The following EIF3H variants were observed in gnomAD, a reference collection of about 807,000 sequenced individuals.
The protein encoded by EIF3H is eukaryotic translation initiation factor 3 subunit H, also known as eIF-3-gamma.
EIF3H carries 26 observed loss-of-function variants against 44.2 expected under a neutral mutation model. The ratio of observed to expected loss-of-function variants is 0.59; its 90% CI spans 0.43 to 0.82. The LOEUF (loss-of-function observed/expected upper bound fraction) is 0.82. Ranked by LOEUF, EIF3H falls within the 40% of genes least tolerant of loss-of-function variation. EIF3H has a pLI of 0.00. For synonymous variants in EIF3H, 166 were observed against 151.9 expected, an observed-to-expected ratio of 1.09 and a Z score of -0.68; for missense variants, 359 against 432.8, an observed-to-expected ratio of 0.83 and a Z score of 1.51.
At chr8:116,758,934 CCAT>C (rs1815487105), upstream of EIF3H, among the ~76,000 whole-genome samples, 1 of 152,134 alleles carries the variant, frequency 6.6e-6, no homozygotes. Flanking sequence ...TGTGTCAAAT[CCAT>C]CATCTAAGCT....
At chr8:116,752,716 GAAA>G (rs1563662955) in intron 1 of EIF3H, among the ~76,000 whole-genome samples, 3 of 126,814 alleles carry the variant, frequency 2.4e-5, no homozygotes, top group African/African-American at 2.9e-5. Context: ...AAGAAAGAAA[GAAA>G]GAAAGAAAGA....
chr8:116,730,394 C>T (rs910349842), intron 1 of EIF3H, among the ~76,000 whole-genome samples: 1 of 152,156 alleles, frequency 6.6e-6, no homozygotes, highest in Admixed American at 6.5e-5. Flanking sequence ...GAATCTAATG[C>T]CTGACAATCT....
chr8:116,745,926 A>C (rs1042896115), intron 1 of EIF3H, among the ~76,000 whole-genome samples: 1 of 145,170 alleles, frequency 6.9e-6, no homozygotes, highest in Non-Finnish European at 1.5e-5. Flanking sequence ...GTCTCAAAGG[A>C]AAAAAAAAAA....
chr8:116,679,711 G>C (rs1813933292), intron 2 of EIF3H, among the ~76,000 whole-genome samples: 1 of 7,094 alleles, frequency 1.4e-4, no homozygotes, highest in Non-Finnish European at 3.8e-4. Flanking sequence ...CCCCTACTGG[G>C]AAGTGAGGAG....
At chr8:116,715,290 T>A (rs1433200612) in intron 2 of EIF3H, among the ~76,000 whole-genome samples, 2 of 151,932 alleles carry the variant, frequency 1.3e-5, no homozygotes, top group Non-Finnish European at 2.9e-5. Flanking sequence ...CCAAATTTGA[T>A]TAATACAAAA....
At chr8:116,646,737 T>G in intron 6 of EIF3H, 134 bp from the exon 7 acceptor site, 1 of 1,259,588 alleles carries the variant, frequency 7.9e-7, no homozygotes, top group South Asian at 1.5e-5. Context: ...TGGCAACATT[T>G]GGTAACTTGC....
At chr8:116,726,438 T>G (rs1814841186) in intron 1 of EIF3H, among the ~76,000 whole-genome samples, 1 of 152,154 alleles carries the variant, frequency 6.6e-6, no homozygotes, top group South Asian at 2.1e-4. Flanking sequence ...AAATCAAAGC[T>G]TCCCCATGGT....
rs558528566 is a variant in EIF3H at position 116,698,133 on chromosome 8, T to C, written c.289+27883A>G. ...TGATCATTATACCCGAGGGCCATTA[T>C]CATGGCTACTAGGTAGCTACAATTT... On this transcript the variant is annotated intron_variant, in intron 2 of 7. Transcript: ENST00000521861. 3.9e-5 allele frequency among the ~76,000 whole-genome samples: 6 copies of C among 152,326 alleles called. No individual in the cohort carries two copies. The East Asian group carries it at 9.6e-4, about 24-fold the overall frequency.
At chr8:116,723,470 C>T (rs1348199716) in intron 2 of EIF3H, among the ~76,000 whole-genome samples, 4 of 152,084 alleles carry the variant, frequency 2.6e-5, no homozygotes, top group Non-Finnish European at 5.9e-5. Flanking sequence ...TTAAAAAAAT[C>T]CAAGTATGCT....
At chr8:116,757,025 T>G (rs903024118), upstream of EIF3H, among the ~76,000 whole-genome samples, 2 of 152,338 alleles carry the variant, frequency 1.3e-5, no homozygotes, top group Admixed American at 6.5e-5. Flanking sequence ...AATAATACAT[T>G]TATTTATTGC....
intron 1 of EIF3H, among the ~76,000 whole-genome samples, chr8:116,750,387 T>A (rs561611285): frequency 7.4e-5 from 5 of 67,540 alleles, no homozygotes; most frequent in Admixed American, 4.2e-4. Flanking sequence ...TGACTCTAGG[T>A]CTGTCTTTAG....
At chr8:116,752,739 A>AAGAAAGAAAGAAAGAAG (rs1815372877) in intron 1 of EIF3H, among the ~76,000 whole-genome samples, 2 of 113,004 alleles carry the variant, frequency 1.8e-5, no homozygotes, top group African/African-American at 6.7e-5. Flanking sequence ...AAAGAAGAGA[A>AAGAAAGAAAGAAAGAAG]AGAAAGAAAG....
intron 2 of EIF3H, among the ~76,000 whole-genome samples, chr8:116,696,341 TG>T (rs1304671212): frequency 6.6e-6 from 1 of 152,176 alleles, no homozygotes; most frequent in African/African-American, 2.4e-5. Context: ...GACAGTAACT[TG>T]TTAATAGCCC....
chr8:116,705,813 T>C (rs1165381728), intron 2 of EIF3H, among the ~76,000 whole-genome samples: 3 of 152,062 alleles, frequency 2.0e-5, no homozygotes, highest in Non-Finnish European at 4.4e-5. Flanking sequence ...CAGTAAGATG[T>C]CAATGTTGGT....
chr8:116,734,203 A>G (rs148104913), intron 1 of EIF3H: 1 of 447,502 alleles, frequency 2.2e-6, no homozygotes, highest in Non-Finnish European at 4.5e-6. Context: ...TAGGAAAATT[A>G]ATGTGATTAC....
At chr8:116,713,716 G>A (rs769738582) in intron 2 of EIF3H, among the ~76,000 whole-genome samples, 1 of 152,006 alleles carries the variant, frequency 6.6e-6, no homozygotes, top group Admixed American at 6.6e-5. Context: ...CACAAACCAG[G>A]CTTTTCTGAG....
At chr8:116,746,439 T>C (rs1815237040) in intron 1 of EIF3H, among the ~76,000 whole-genome samples, 1 of 152,168 alleles carries the variant, frequency 6.6e-6, no homozygotes, top group Non-Finnish European at 1.5e-5. Flanking sequence ...CCATAATAAA[T>C]ACACAATACT....
intron 1 of EIF3H, among the ~76,000 whole-genome samples, chr8:116,751,691 T>C (rs1456044575): frequency 5.3e-5 from 8 of 152,200 alleles, no homozygotes; most frequent in Non-Finnish European, 4.4e-5. Flanking sequence ...TATTAGAATA[T>C]AAATATTTAA....
intron 2 of EIF3H, among the ~76,000 whole-genome samples, chr8:116,721,026 C>CCAAATGTG (rs976700420): frequency 4.2e-4 from 64 of 152,162 alleles, no homozygotes; most frequent in African/African-American, 1.3e-3. Context: ...TAATGAGGAG[C>CCAAATGTG]CAAATGTGCA....
Sources: allele counts gnomAD v4.1 joint callset (sites outside exome capture counted in the v4.1 genomes callset), GRCh38; gene constraint gnomAD v4.1.1; transcripts MANE v1.5; gene names NCBI Gene and HGNC (gene_info 2026-07-23, HGNC 2026-07-21).